C16orf89: variants seen among roughly 807,000 people sequenced by gnomAD.
C16orf89 encodes chromosome 16 open reading frame 89.
C16orf89 carries 57 observed loss-of-function variants against 41.5 expected under a neutral mutation model. That is an observed-to-expected ratio of 1.38 (90% CI 1.11 to 1.71). C16orf89 has a LOEUF of 1.71. Among genes scored for constraint, C16orf89 ranks in the 40% most tolerant of loss-of-function variants. The pLI, the probability that C16orf89 is intolerant of heterozygous loss-of-function variation, is 0.00. For missense variants in C16orf89, 575 were observed against 445.9 expected (o/e 1.29, Z -2.61); for synonymous variants, 223 against 190.6 (o/e 1.17, Z -1.40).
At chr16:5,048,017 T>C in intron 6 of C16orf89, 53 bp from the exon 7 acceptor site, 2 of 944,256 alleles carry the variant, frequency 2.1e-6, no homozygotes, top group Admixed American at 4.2e-5. Flanking sequence ...ATTTTTTACA[T>C]TTTTATTTCT....
chr16:5,065,332 A>G (rs1392052758), intron 1 of C16orf89, among the ~76,000 whole-genome samples: 2 of 152,148 alleles, frequency 1.3e-5, no homozygotes, highest in African/African-American at 4.8e-5. Context: ...TTTTGTCCAC[A>G]GCCACCTCAT....
At position 5,060,438 on chromosome 16, in the gene C16orf89, T is replaced by C. The variant is rs1371303648; in HGVS notation, c.359-2A>G. ...CGGGCTGGAGGGTCAGCTGGAACTC[T>C]GGCAGAGAGGACAGATAGATGGGGT... On this transcript the variant is annotated splice_acceptor_variant, in intron 2 of 7. Coordinates refer to ENST00000472572, the MANE Select transcript of C16orf89 (RefSeq NM_001098514.3). LOFTEE classifies it high-confidence loss of function. The C allele has an allele frequency of 1.9e-6, 3 of 1,611,070 alleles. No homozygotes were observed. The highest frequency in any genetic ancestry group is 1.3e-5 in the African/African-American group (1 of 74,886).
At chr16:5,044,693 A>T (rs1284968399) in intron 7 of C16orf89, 4 of 1,088,150 alleles carry the variant, frequency 3.7e-6, no homozygotes, top group Non-Finnish European at 5.1e-6. Context: ...AAAATATAAA[A>T]ATTAGCCAGG....
In C16orf89 at chr16:5,058,564, G is replaced by A; in HGVS notation, c.556C>T (p.Leu186Phe). 2 of 1,612,808 alleles carry A rather than the reference G, an allele frequency of 1.2e-6. No individual in the cohort carries two copies. Among genetic ancestry groups the A allele is most frequent in the Non-Finnish European group, 1.7e-6 (2 of 1,179,944 alleles). Residue 186 changes from leucine to phenylalanine, a missense_variant, in exon 4 of 8, where the codon CTC becomes TTC. By Grantham distance (22) the Leu-to-Phe change is conservative. Transcript: ENST00000472572. ...CCTGAGCAGCCGGGCTTGGTCATGA[G>A]GCTCCTGCAGAGGTCTGAGAGGCCG... ...PCGLSDLCRSLMTKPGCSGYC... is the reference protein window; with the variant it reads ...PCGLSDLCRSFMTKPGCSGYC...
intron 7 of C16orf89, chr16:5,044,948 T>C (rs1291163335): frequency 8.3e-7 from 1 of 1,207,946 alleles, no homozygotes; most frequent in Non-Finnish European, 1.0e-6. Context: ...CCGGGTGCTC[T>C]TCCGCCAGCT....
chr16:5,061,211 G>C (rs1260088438), intron 2 of C16orf89, among the ~76,000 whole-genome samples: 1 of 137,440 alleles, frequency 7.3e-6, no homozygotes, highest in Non-Finnish European at 1.5e-5. Flanking sequence ...GCAGTGAGCC[G>C]AGATTGCACC....
Position 5,055,809 on chromosome 16 carries a change from A to G in C16orf89, c.763+244T>C, listed in dbSNP as rs1018171147. On this transcript the variant is annotated intron_variant, in intron 5 of 7. Coordinates refer to ENST00000472572, the MANE Select transcript of C16orf89 (RefSeq NM_001098514.3). ...TGAGTTTTCGATAAACAATGAATAT[A>G]ATTTTTGAGTGTAAGTATATCCCAT... is the stretch of plus-strand genomic sequence containing the variant. 9 of 1,430,128 alleles carry G rather than the reference A, an allele frequency of 6.3e-6. No homozygotes were observed. The African/African-American group carries it at 1.1e-4, about 18-fold the overall frequency. 88.6% of individuals were successfully genotyped at this position (1,430,128 alleles called of 1,614,324 possible).
chr16:5,056,185 C>G lies in C16orf89; in HGVS notation c.631G>C (p.Gly211Arg), dbSNP rs893459334. Residue 211 changes from glycine to arginine, a missense_variant, in exon 5 of 8, where the codon GGG becomes CGG. Physicochemically the swap from Gly to Arg is moderately radical, Grantham distance 125. Coordinates refer to ENST00000472572, the MANE Select transcript of C16orf89 (RefSeq NM_001098514.3). ...LLFFLWARMR[G>R]CTQGPLQQSQ... ...TGTTGGAGTGGTCCCTGTGTGCACC[C>G]CCTCTGGGGAGACAAACACCCAAAG... The G allele has an allele frequency of 1.3e-6, 2 of 1,583,980 alleles. No individual in the cohort carries two copies. The highest frequency in any genetic ancestry group is 8.7e-7 in the Non-Finnish European group (1 of 1,155,004).
rs142344116 is a variant in C16orf89 at position 5,058,276 on chromosome 16, C to T, written c.627+217G>A. ...TCTTGTAGCTGGGATTACAGGTGCA[C>T]GCCACCACGTCCAGCTAATTTTTTT... On this transcript the variant is annotated intron_variant, in intron 4 of 7. Transcript: ENST00000472572. Among the ~76,000 whole-genome samples, 8 of 152,052 alleles carry T rather than the reference C, an allele frequency of 5.3e-5. No homozygotes were observed. In the South Asian group the frequency reaches 6.2e-4, roughly 12 times the overall value.
At position 5,056,684 on chromosome 16, in the gene C16orf89, A is replaced by G. The variant is rs540252517; in HGVS notation, c.628-496T>C. ...CCCCACACTGGGAGAGAAGAACAAG[A>G]GTTGACAGCAGGCTTTAGACACTTC... is the stretch of plus-strand genomic sequence containing the variant. On this transcript the variant is annotated intron_variant, in intron 4 of 7. Coordinates refer to ENST00000472572, the MANE Select transcript of C16orf89 (RefSeq NM_001098514.3). Among the ~76,000 whole-genome samples the G allele has an allele frequency of 4.6e-5, 7 of 152,314 alleles. 1 individual carries two copies. The South Asian group carries it at 1.2e-3, about 27-fold the overall frequency.
rs116740079 is a variant in C16orf89 at position 5,062,589 on chromosome 16, A to G, written c.209-15T>C. 982 of 1,568,112 alleles carry G rather than the reference A, an allele frequency of 6.3e-4. 6 individuals carry two copies. In the African/African-American group the frequency reaches 0.012, roughly 20 times the overall value. ...TTTTAGCTGCTCTGGAAGGGAACAGAGTTAATTCATTCAACTATTTGGAAT... is the reference window on the plus strand; with the variant it reads ...TTTTAGCTGCTCTGGAAGGGAACAGGGTTAATTCATTCAACTATTTGGAAT... On this transcript the variant is annotated splice_polypyrimidine_tract_variant and intron_variant, in intron 1 of 7. Transcript: ENST00000472572.
chr16:5,062,872 C>G (rs1956657877), intron 1 of C16orf89, among the ~76,000 whole-genome samples: 2 of 152,128 alleles, frequency 1.3e-5, no homozygotes, highest in Admixed American at 6.6e-5. Context: ...AAATCCTTGA[C>G]TCATATACTT....
At chr16:5,059,909 T>G (rs1414129149) in intron 3 of C16orf89, among the ~76,000 whole-genome samples, 101 of 84,704 alleles carry the variant, frequency 1.2e-3, no homozygotes, top group South Asian at 1.2e-3. Flanking sequence ...GCCCAGGGGG[T>G]GGAGTGGGTG....
downstream of C16orf89, chr16:5,043,659 C>T (rs935595094): frequency 6.6e-6 from 1 of 152,196 alleles, no homozygotes; most frequent in African/African-American, 2.4e-5. Context: ...CTTCCTTCTC[C>T]CACTGGGAAA....
intron 1 of C16orf89, among the ~76,000 whole-genome samples, chr16:5,065,133 T>G (rs935499566): frequency 6.6e-6 from 1 of 152,110 alleles, no homozygotes; most frequent in Non-Finnish European, 1.5e-5. Context: ...CGTGCGTGCA[T>G]GTGTGCTTGT....
chr16:5,044,441 T>A lies in C16orf89; in HGVS notation c.993A>T (p.Ala331=). The A allele has an allele frequency of 6.2e-7, 1 of 1,613,190 alleles. No individual in the cohort carries two copies. Among genetic ancestry groups the A allele is most frequent in the Non-Finnish European group, 8.5e-7 (1 of 1,179,642 alleles). Residue 331 remains alanine, a synonymous_variant, in exon 8 of 8, where the codon GCA becomes GCT. Transcript: ENST00000472572. ...CSSHNTATAV[A]ALGGFLYILA... ...GGATGTATAGGAAGCCACCCAGGGCTGCCACTGCTGTGGCTGTGTTGTGGG... is the reference window on the plus strand; with the variant it reads ...GGATGTATAGGAAGCCACCCAGGGCAGCCACTGCTGTGGCTGTGTTGTGGG...
At chr16:5,054,179 G>T (rs921536037) in intron 6 of C16orf89, among the ~76,000 whole-genome samples, 23 of 152,152 alleles carry the variant, frequency 1.5e-4, no homozygotes, top group African/African-American at 5.6e-4. Flanking sequence ...GCATTTCCTG[G>T]GAGCTGCCGT....
intron 6 of C16orf89, among the ~76,000 whole-genome samples, chr16:5,050,418 C>T (rs749024536): frequency 1.4e-4 from 21 of 151,576 alleles, no homozygotes; most frequent in Non-Finnish European, 2.4e-4. Flanking sequence ...TGGACACATA[C>T]GACATACTGA....
intron 3 of C16orf89, 187 bp downstream of exon 3, chr16:5,060,099 C>T (rs537042297): frequency 2.7e-4 from 159 of 588,270 alleles, no homozygotes; most frequent in African/African-American, 2.3e-3. Flanking sequence ...GGCCAGCGGG[C>T]GGCTGGAGCA....
Sources: gnomAD v4.1 joint callset for allele counts (sites outside exome capture counted in the v4.1 genomes callset) on GRCh38, gnomAD v4.1.1 for gene constraint, MANE v1.5 for transcripts, NCBI Gene and HGNC (gene_info 2026-07-23, HGNC 2026-07-21) for gene names.